AANAT: variants seen among roughly 807,000 people sequenced by gnomAD.
The protein encoded by AANAT is serotonin N-acetyltransferase.
AANAT carries 11 observed loss-of-function variants against 15.6 expected under a neutral mutation model. The observed-to-expected ratio is 0.71, with a 90% confidence interval of 0.44 to 1.17. AANAT has a LOEUF of 1.17. AANAT is among the 50% of genes most tolerant of loss of function. The pLI is 0.00. For synonymous variants in AANAT, 139 were observed against 131.5 expected (o/e 1.06, Z -0.39); for missense variants, 286 against 296.3 (o/e 0.97, Z 0.26).
intron 2 of AANAT, among the ~76,000 whole-genome samples, chr17:76,459,787 A>T (rs1333822193): frequency 6.6e-6 from 1 of 152,238 alleles, no homozygotes. Context: ...GTAACTGACC[A>T]ACTGAATATA....
rs903789237 is a variant in AANAT, at chr17:76,469,892, C to T, written c.546C>T (p.Thr182=). The T allele has an allele frequency of 8.2e-6, 13 of 1,577,572 alleles. No homozygotes were observed. The highest frequency in any genetic ancestry group is 2.1e-4 in the Middle Eastern group (1 of 4,804). The change falls in exon 4 of 4, where the codon ACC becomes ACT. Residue 182 remains threonine, a synonymous_variant. Coordinates refer to ENST00000392492, the MANE Select transcript of AANAT (RefSeq NM_001088.3). The surrounding 1 kb of genome is among the most constrained non-coding windows in gnomAD (Gnocchi z 5.2). ...SFHAVGPCAI[T]VGSLTFMELH... is the part of the protein sequence containing the mutation. ...ACGCCGTGGGCCCCTGCGCCATCAC[C>T]GTGGGCTCCCTCACCTTCATGGAGC...
chr17:76,458,602 G>A (rs546083422), intron 1 of AANAT, among the ~76,000 whole-genome samples: 1 of 152,314 alleles, frequency 6.6e-6, no homozygotes, highest in South Asian at 2.1e-4. Flanking sequence ...GCTAAGTGGG[G>A]TGGGTGGTGT....
Position 76,469,892 on chromosome 17 carries a change from C to A in AANAT, c.546C>A (p.Thr182=), listed in dbSNP as rs903789237. ...SFHAVGPCAI[T]VGSLTFMELH... The stretch of plus-strand genomic sequence containing the variant: ...ACGCCGTGGGCCCCTGCGCCATCAC[C>A]GTGGGCTCCCTCACCTTCATGGAGC... The change falls in exon 4 of 4, where the codon ACC becomes ACA. Residue 182 remains threonine, a synonymous_variant. Transcript: ENST00000392492. The surrounding 1 kb of genome is among the most constrained non-coding windows in gnomAD (Gnocchi z 5.2). The A allele has an allele frequency of 1.3e-6, 2 of 1,577,570 alleles. No homozygotes were observed. Among genetic ancestry groups the A allele is most frequent in the Admixed American group, 1.8e-5 (1 of 54,826 alleles).
At chr17:76,463,308 C>CCTTTT (rs2073406895), upstream of AANAT, among the ~76,000 whole-genome samples, 1 of 19,702 alleles carries the variant, frequency 5.1e-5, no homozygotes, top group East Asian at 2.0e-3. Flanking sequence ...TGGAAGGATT[C>CCTTTT]CTTTTTTTTT....
upstream of AANAT, chr17:76,467,515 A>T (rs1598639616): frequency 1.0e-6 from 1 of 984,508 alleles, no homozygotes; most frequent in African/African-American, 1.7e-5. Flanking sequence ...AGGCTGCCAG[A>T]GCCCTGCTGG....
At chr17:76,466,726 C>T (rs1000553110), upstream of AANAT, among the ~76,000 whole-genome samples, 16 of 152,304 alleles carry the variant, frequency 1.1e-4, no homozygotes, top group East Asian at 2.9e-3. Context: ...GTGGTTAATA[C>T]TCATTTGGCC....
At chr17:76,466,213 GGGGACCCT>G, upstream of AANAT, 1 of 1,536,086 alleles carries the variant, frequency 6.5e-7, no homozygotes, top group South Asian at 1.2e-5. Context: ...AGGCCTTTTG[GGGGACCCT>G]GGAGGTTGAA....
At chr17:76,468,211 G>C (rs2073460390) in intron 1 of AANAT, among the ~76,000 whole-genome samples, 1 of 152,212 alleles carries the variant, frequency 6.6e-6, no homozygotes, top group Non-Finnish European at 1.5e-5. Flanking sequence ...CCTCTGGGGA[G>C]GTAAGATAAA....
At chr17:76,459,956 T>C (rs1367086185) in intron 2 of AANAT, among the ~76,000 whole-genome samples, 2 of 152,008 alleles carry the variant, frequency 1.3e-5, no homozygotes, top group Admixed American at 1.3e-4. Context: ...TGACTGAAAA[T>C]GCAAGCACGG....
At position 76,468,597 on chromosome 17, in the gene AANAT, G is replaced by C. The variant is rs1476665942; in HGVS notation, c.-75-75G>C. ...CCACCCCAGTTCCTGCTACAAAAGA[G>C]GCCAGATACATACTCTGGGGCCTGC... On this transcript the variant is annotated intron_variant, in intron 1 of 3. Coordinates refer to ENST00000392492, the MANE Select transcript of AANAT (RefSeq NM_001088.3). 6 of 1,317,562 alleles carry C rather than the reference G, an allele frequency of 4.6e-6. No individual in the cohort carries two copies. The South Asian group carries it at 8.6e-5, about 19-fold the overall frequency. 81.6% of individuals were successfully genotyped at this position (1,317,562 alleles called of 1,614,324 possible).
chr17:76,461,732 C>T (rs1484399869), intron 2 of AANAT, among the ~76,000 whole-genome samples: 1 of 151,288 alleles, frequency 6.6e-6, no homozygotes, highest in Non-Finnish European at 1.5e-5. Context: ...AGTGTAAGGA[C>T]TGGGGGGCTG....
Position 76,470,107 on chromosome 17 carries a change from T to C in AANAT, c.*137T>C, listed in dbSNP as rs1011291750. ...AATAAAGAGGAGATAAGGTGGCTTC[T>C]CACGGCCTGAGCTGGAGTGGTGTGT... On this transcript the variant is annotated 3_prime_UTR_variant, in exon 4 of 4. Transcript: ENST00000392492. The C allele has an allele frequency of 2.6e-5, 26 of 986,138 alleles. 1 individual carries two copies. The East Asian group carries it at 6.8e-4, about 26-fold the overall frequency. 61.1% of individuals were successfully genotyped at this position (986,138 alleles called of 1,614,324 possible). A position where few individuals can be genotyped will look rare whatever the true frequency, so the allele number is the denominator to read the frequency against.
chr17:76,463,096 G>A (rs1221399376), upstream of AANAT, among the ~76,000 whole-genome samples: 1 of 152,164 alleles, frequency 6.6e-6, no homozygotes, highest in Non-Finnish European at 1.5e-5. Context: ...CACTGCCCCT[G>A]CACCAGGCTC....
At chr17:76,463,706 C>T (rs1164002759), upstream of AANAT, among the ~76,000 whole-genome samples, 2 of 152,112 alleles carry the variant, frequency 1.3e-5, no homozygotes, top group Admixed American at 6.5e-5. Flanking sequence ...CTATCTGCCC[C>T]ATTTCTTGGA....
chr17:76,469,985 CTGGCTGCCAACA>C lies in AANAT; in HGVS notation c.*18_*29del, dbSNP rs1598642494. 11 of 1,454,880 alleles carry C rather than the reference CTGGCTGCCAACA, an allele frequency of 7.6e-6. No individual in the cohort carries two copies. The East Asian group carries it at 2.6e-4, about 34-fold the overall frequency. The allele number at this position is 1,454,880 out of a possible 1,614,324, so 90.1% of individuals were successfully genotyped here. On this transcript the variant is annotated 3_prime_UTR_variant, in exon 4 of 4. Transcript: ENST00000392492. This position sits in a 1 kb window ranked among gnomAD's most constrained non-coding sequence, Gnocchi z 5.2. ...GCGGCTGCTGAACTGGGCTGCCCAC[CTGGCTGCCAACA>C]TGATCCCCGTCTCTGCCCTGGGCTC...
At chr17:76,462,387 T>C (rs2073397131) in exon 3 of AANAT, 1 of 152,196 alleles carries the variant, frequency 6.6e-6, no homozygotes, top group Admixed American at 6.5e-5. Flanking sequence ...TTACCCGCAG[T>C]GGGCAGGACT....
In AANAT at chr17:76,469,372, G is replaced by A. The variant is rs2073487154; in HGVS notation, c.318+45G>A. The A allele has an allele frequency of 1.2e-6, 2 of 1,609,018 alleles. No homozygotes were observed. The highest frequency in any genetic ancestry group is 4.5e-5 in the East Asian group (2 of 44,820). On this transcript the variant is annotated intron_variant, in intron 3 of 3. Transcript: ENST00000392492. The surrounding 1 kb of genome is among the most constrained non-coding windows in gnomAD (Gnocchi z 5.2). Reference sequence around the variant, plus strand: ...GCCCAGCTCCAGGGAGGCCTCTGAAGACAGAGGTCAGCCAGATGGCGGGGA... The same window carrying A: ...GCCCAGCTCCAGGGAGGCCTCTGAAAACAGAGGTCAGCCAGATGGCGGGGA...
upstream of AANAT, chr17:76,466,098 G>A: frequency 7.6e-7 from 1 of 1,318,594 alleles, no homozygotes; most frequent in South Asian, 1.3e-5. Flanking sequence ...TCAGCAAAGA[G>A]AGAGGCCGAT....
intron 1 of AANAT, among the ~76,000 whole-genome samples, chr17:76,454,082 C>T (rs1381201317): frequency 6.6e-6 from 1 of 152,210 alleles, no homozygotes; most frequent in Non-Finnish European, 1.5e-5. Flanking sequence ...TTAGCTCCTT[C>T]GATAAGCTTA....
Sources: gnomAD v4.1 joint callset for allele counts (sites outside exome capture counted in the v4.1 genomes callset) on GRCh38, gnomAD v4.1.1 for gene constraint, Gnocchi (gnomAD v3.1) non-coding constraint, MANE v1.5 for transcripts, NCBI Gene and HGNC (gene_info 2026-07-23, HGNC 2026-07-21) for gene names.